Variants in TRPM3 observed in about 807,000 individuals in gnomAD.
TRPM3 encodes long transient receptor potential channel 3.
Under a neutral mutation model 181.2 loss-of-function variants are expected in TRPM3, and 77 were observed. That is an observed-to-expected ratio of 0.42 (90% confidence interval 0.35 to 0.51). The LOEUF (loss-of-function observed/expected upper bound fraction) is 0.51. Among genes scored for constraint, TRPM3 ranks in the 20% least tolerant of loss-of-function variants. The pLI, the probability that TRPM3 is intolerant of heterozygous loss-of-function variation, is 0.01. For missense variants in TRPM3, 1,759 were observed against 2,196.7 expected, an observed-to-expected ratio of 0.80 and a Z score of 3.98; for synonymous variants, 745 against 796.4, an observed-to-expected ratio of 0.94 and a Z score of 1.09.
intron 1 of TRPM3, among the ~76,000 whole-genome samples, chr9:71,266,167 T>C (rs2083380820): frequency 6.6e-6 from 1 of 152,196 alleles, no homozygotes; most frequent in African/African-American, 2.4e-5. Context: ...CACTTTGCAT[T>C]TCACTACATA....
chr9:70,961,015 G>A (rs927932360), intron 1 of TRPM3, among the ~76,000 whole-genome samples: 1 of 152,142 alleles, frequency 6.6e-6, no homozygotes, highest in Non-Finnish European at 1.5e-5. Context: ...TGAAACCTGG[G>A]AATATGTTAT....
chr9:70,915,565 A>G (rs1351979841), intron 1 of TRPM3, among the ~76,000 whole-genome samples: 1 of 151,520 alleles, frequency 6.6e-6, no homozygotes, highest in East Asian at 1.9e-4. Context: ...TTGGCCTCCC[A>G]CAGTGCTGGG....
At chr9:71,281,891 G>A (rs932002751) in intron 1 of TRPM3, among the ~76,000 whole-genome samples, 7 of 151,886 alleles carry the variant, frequency 4.6e-5, no homozygotes, top group African/African-American at 9.7e-5. Context: ...GAGAAACCCC[G>A]TCTCTACTAA....
intron 1 of TRPM3, among the ~76,000 whole-genome samples, chr9:71,134,635 T>G (rs1190627849): frequency 6.6e-6 from 1 of 152,032 alleles, no homozygotes; most frequent in East Asian, 1.9e-4. Context: ...TTCAAATCCC[T>G]GTCACCTTAG....
intron 1 of TRPM3, among the ~76,000 whole-genome samples, chr9:71,160,699 C>A (rs535768490): frequency 2.0e-5 from 3 of 152,280 alleles, no homozygotes; most frequent in South Asian, 4.1e-4. Flanking sequence ...TCATTCCCTT[C>A]ATAACTGGAC....
intron 1 of TRPM3, among the ~76,000 whole-genome samples, chr9:70,966,790 G>C (rs1471227275): frequency 1.3e-5 from 2 of 151,958 alleles, no homozygotes; most frequent in African/African-American, 4.8e-5. Flanking sequence ...TGGGTACTCA[G>C]CTTAATACCT....
chr9:71,441,649 T>C (rs916719005), intron 1 of TRPM3, among the ~76,000 whole-genome samples: 2 of 150,378 alleles, frequency 1.3e-5, no homozygotes, highest in African/African-American at 4.9e-5. Flanking sequence ...TTTTTTTTTT[T>C]CTGAGACGGA....
chr9:71,179,167 C>A (rs573285897), intron 1 of TRPM3, among the ~76,000 whole-genome samples: 2 of 152,118 alleles, frequency 1.3e-5, no homozygotes, highest in Non-Finnish European at 2.9e-5. Flanking sequence ...AGCAACACAA[C>A]TGAAACAGAA....
At chr9:70,845,459 C>T (rs1160679032) in intron 4 of TRPM3, among the ~76,000 whole-genome samples, 2 of 152,074 alleles carry the variant, frequency 1.3e-5, no homozygotes, top group African/African-American at 2.4e-5. Flanking sequence ...AGGCTGGTCT[C>T]GAACTCCTGA....
chr9:70,874,624 T>C (rs1324713049), intron 1 of TRPM3, among the ~76,000 whole-genome samples: 1 of 151,994 alleles, frequency 6.6e-6, no homozygotes, highest in Admixed American at 6.6e-5. Flanking sequence ...TTCCTTCTGA[T>C]TTTGTTAGCA....
rs753716656 is a variant in TRPM3, at chr9:70,639,211, T to C, written c.1447-17A>G. Reference sequence around the variant, plus strand: ...AGATCCCACCTGCAAACCAAGTCACTGAGTTAGTCTGCCCCAGGGTCTATC... The same window carrying C: ...AGATCCCACCTGCAAACCAAGTCACCGAGTTAGTCTGCCCCAGGGTCTATC... On this transcript the variant is annotated splice_polypyrimidine_tract_variant and intron_variant, in intron 10 of 25. Transcript: ENST00000677713. 3 of 1,612,994 alleles carry C rather than the reference T, an allele frequency of 1.9e-6. No homozygotes were observed. The African/African-American group carries it at 4.0e-5, about 22-fold the overall frequency.
At chr9:70,882,042 C>A (rs1478508754) in intron 1 of TRPM3, among the ~76,000 whole-genome samples, 1 of 152,100 alleles carries the variant, frequency 6.6e-6, no homozygotes, top group African/African-American at 2.4e-5. Context: ...TTATTCTTAG[C>A]CAGAGCGTTA....
At position 70,625,152 on chromosome 9, in the gene TRPM3, T is replaced by C. The variant is rs1258591736; in HGVS notation, c.1809+39A>G. 1 of 1,612,118 alleles carries C rather than the reference T, an allele frequency of 6.2e-7. No individual in the cohort carries two copies. The highest frequency in any genetic ancestry group is 1.7e-5 in the Admixed American group (1 of 59,886). ...ACAACCCAAATCCCATACACCCTAGTCCTCCCAGGAAGGGCCCCGAATTTG... is the reference window on the plus strand; with the variant it reads ...ACAACCCAAATCCCATACACCCTAGCCCTCCCAGGAAGGGCCCCGAATTTG... On this transcript the variant is annotated intron_variant, in intron 14 of 25. Coordinates refer to ENST00000677713, the MANE Select transcript of TRPM3 (RefSeq NM_001366145.2). This position sits in a 1 kb window ranked among gnomAD's most constrained non-coding sequence, Gnocchi z 4.8.
At chr9:71,124,456 A>C (rs1440921612), upstream of TRPM3, among the ~76,000 whole-genome samples, 1 of 152,188 alleles carries the variant, frequency 6.6e-6, no homozygotes, top group Non-Finnish European at 1.5e-5. Flanking sequence ...AAATAATCAT[A>C]CTAGCTTTCA....
At position 70,561,672 on chromosome 9, in the gene TRPM3, A is replaced by G. The variant is rs79171921; in HGVS notation, c.3224-8362T>C. 2.4e-3 allele frequency among the ~76,000 whole-genome samples: 365 copies of G among 152,296 alleles called. 3 individuals carry two copies. The highest frequency in any genetic ancestry group is 8.6e-3 in the African/African-American group (356 of 41,550). ...TAACCCAAACACTAGGTAAGATGCT[A>G]ACTGATAATGATATGGCGCAAAGGC... On this transcript the variant is annotated intron_variant, in intron 22 of 25. Transcript: ENST00000677713.
chr9:71,324,380 TA>T (rs2089488759), intron 1 of TRPM3, among the ~76,000 whole-genome samples: 1 of 152,048 alleles, frequency 6.6e-6, no homozygotes, highest in African/African-American at 2.4e-5. Context: ...TCAACACCAC[TA>T]ATCAGAGAAA....
intron 8 of TRPM3, among the ~76,000 whole-genome samples, chr9:70,739,714 G>C (rs1164778554): frequency 6.6e-6 from 1 of 151,992 alleles, no homozygotes; most frequent in African/African-American, 2.4e-5. Context: ...AGGTTCAAGT[G>C]ATTCTCCTGC....
At chr9:71,038,705 T>G (rs2132894505) in intron 1 of TRPM3, among the ~76,000 whole-genome samples, 1 of 152,282 alleles carries the variant, frequency 6.6e-6, no homozygotes, top group East Asian at 1.9e-4. Context: ...GAACCTGGCC[T>G]TATGGAACTT....
intron 1 of TRPM3, among the ~76,000 whole-genome samples, chr9:71,419,313 C>A (rs1310991799): frequency 6.6e-6 from 1 of 151,810 alleles, no homozygotes; most frequent in Non-Finnish European, 1.5e-5. Context: ...AAGCCTATTT[C>A]CCCCAAAGGA....
Sources: allele counts gnomAD v4.1 joint callset (sites outside exome capture counted in the v4.1 genomes callset), GRCh38; gene constraint gnomAD v4.1.1; non-coding constraint Gnocchi (gnomAD v3.1); transcripts MANE v1.5; gene names NCBI Gene and HGNC (gene_info 2026-07-23, HGNC 2026-07-21).